Variants in ZFAT observed in about 807,000 individuals in gnomAD.
ZFAT encodes the protein zinc finger and AT-hook domain containing.
A neutral mutation model predicts 117.7 loss-of-function variants in ZFAT; 64 were observed. The ratio of observed to expected loss-of-function variants is 0.54; its 90% confidence interval spans 0.44 to 0.67. The LOEUF is 0.67. Among genes scored for constraint, ZFAT ranks in the 30% least tolerant of loss-of-function variants. The probability of loss-of-function intolerance (pLI) is 0.00; values close to 1 mark genes in which losing one functional copy is unlikely to be tolerated. For synonymous variants in ZFAT, 679 were observed against 615.0 expected, an observed-to-expected ratio of 1.10 and a Z score of -1.54; for missense variants, 1,433 against 1,584.5, an observed-to-expected ratio of 0.90 and a Z score of 1.62.
intron 15 of ZFAT, among the ~76,000 whole-genome samples, chr8:134,499,675 G>T (rs542318144): frequency 2.0e-5 from 3 of 152,362 alleles, no homozygotes; most frequent in South Asian, 2.1e-4. Context: ...GATTTGGGAG[G>T]GGTGCGGTGG....
intron 12 of ZFAT, among the ~76,000 whole-genome samples, chr8:134,525,555 G>A (rs767921913): frequency 6.6e-6 from 1 of 152,202 alleles, no homozygotes; most frequent in Non-Finnish European, 1.5e-5. Context: ...CAGTTTTGAT[G>A]CGCTCAATCT....
chr8:134,601,757 TA>T lies in ZFAT; in HGVS notation c.1961del (p.Leu654GlnfsTer35). 6.2e-7 allele frequency: 1 copy of T among 1,613,710 alleles called. No homozygotes were observed. The highest frequency in any genetic ancestry group is 8.5e-7 in the Non-Finnish European group (1 of 1,179,858). ...DQESHGAQSP[L>X]GEGQNMAVLS... Reference sequence around the variant, plus strand: ...GCACAGCCATGTTCTGCCCTTCCCCTAGGGGGCTCTGGGCGCCATGGCTTTC... The same window carrying T: ...GCACAGCCATGTTCTGCCCTTCCCCTGGGGGCTCTGGGCGCCATGGCTTTC... On this transcript the variant is annotated frameshift_variant, in exon 6 of 16. Coordinates refer to ENST00000377838, the MANE Select transcript of ZFAT (RefSeq NM_020863.4). LOFTEE classifies it high-confidence loss of function.
At chr8:134,531,001 C>G (rs1013990128) in intron 12 of ZFAT, among the ~76,000 whole-genome samples, 94 of 152,232 alleles carry the variant, frequency 6.2e-4, no homozygotes, top group African/African-American at 2.1e-3. Context: ...TGCCTAGGAA[C>G]AACTGTGAAT....
chr8:134,589,365 T>C (rs1436975816), intron 8 of ZFAT, among the ~76,000 whole-genome samples: 1 of 152,252 alleles, frequency 6.6e-6, no homozygotes, highest in Non-Finnish European at 1.5e-5. Context: ...CCTTCTATTA[T>C]TTCTTTATCT....
chr8:134,511,578 C>G (rs1586615376), intron 14 of ZFAT, among the ~76,000 whole-genome samples: 1 of 152,176 alleles, frequency 6.6e-6, no homozygotes, highest in Non-Finnish European at 1.5e-5. Context: ...AAAATGGTGT[C>G]TTTCTAACTC....
At chr8:134,709,246 AAG>A (rs1053975112) in intron 1 of ZFAT, among the ~76,000 whole-genome samples, 4 of 152,126 alleles carry the variant, frequency 2.6e-5, no homozygotes, top group Admixed American at 6.5e-5. Flanking sequence ...TGCTTTCAAG[AAG>A]AGAGTGGATG....
At chr8:134,664,149 T>A (rs146755618) in intron 1 of ZFAT, among the ~76,000 whole-genome samples, 6 of 151,428 alleles carry the variant, frequency 4.0e-5, no homozygotes, top group Non-Finnish European at 7.4e-5. Flanking sequence ...TCCACCCCTA[T>A]GAACACTCCC....
chr8:134,756,772 T>G, the ZFAT span, among the ~76,000 whole-genome samples: 1 of 152,214 alleles, frequency 6.6e-6, no homozygotes, highest in East Asian at 1.9e-4. Context: ...CAGAGCTCCC[T>G]GCAGGATCCG....
chr8:134,617,153 G>C (rs574814824), intron 3 of ZFAT, among the ~76,000 whole-genome samples: 1 of 152,268 alleles, frequency 6.6e-6, no homozygotes, highest in East Asian at 1.9e-4. Flanking sequence ...AGTCGTCAGA[G>C]GCAATCTTGA....
chr8:134,823,608 A>G, the ZFAT span, among the ~76,000 whole-genome samples: 1 of 152,228 alleles, frequency 6.6e-6, no homozygotes, highest in South Asian at 2.1e-4. Flanking sequence ...TTCAGGCAGG[A>G]TAGCTCCAGG....
At chr8:134,644,091 G>T (rs1026253153) in intron 2 of ZFAT, among the ~76,000 whole-genome samples, 1 of 152,142 alleles carries the variant, frequency 6.6e-6, no homozygotes, top group African/African-American at 2.4e-5. Flanking sequence ...ACTTAACCGC[G>T]CAGAGGCACT....
chr8:134,496,140 G>T (rs1358276538), intron 15 of ZFAT, among the ~76,000 whole-genome samples: 1 of 152,206 alleles, frequency 6.6e-6, no homozygotes, highest in Non-Finnish European at 1.5e-5. Flanking sequence ...TCAGCCACGT[G>T]CCAGGCACAG....
intron 11 of ZFAT, among the ~76,000 whole-genome samples, chr8:134,539,699 C>G (rs904876548): frequency 1.3e-5 from 2 of 152,168 alleles, no homozygotes; most frequent in East Asian, 1.9e-4. Context: ...ATGAAGTGGA[C>G]TAGTTGGTAC....
chr8:134,605,660 T>C (rs1827833221), intron 5 of ZFAT, among the ~76,000 whole-genome samples: 1 of 152,106 alleles, frequency 6.6e-6, no homozygotes, highest in Admixed American at 6.5e-5. Context: ...AATACAAAAT[T>C]CAGATGATGG....
chr8:134,542,617 T>C (rs558874006), intron 11 of ZFAT, among the ~76,000 whole-genome samples: 2 of 152,360 alleles, frequency 1.3e-5, no homozygotes, highest in Admixed American at 6.5e-5. Flanking sequence ...TGTTGCTGCA[T>C]AGGATATGAT....
chr8:134,709,195 G>C (rs576145371), intron 1 of ZFAT, among the ~76,000 whole-genome samples: 1 of 152,166 alleles, frequency 6.6e-6, no homozygotes. Flanking sequence ...GATGTGGGAG[G>C]GTGGCCTGAG....
intron 1 of ZFAT, among the ~76,000 whole-genome samples, chr8:134,692,345 A>T (rs1490702454): frequency 6.6e-6 from 1 of 152,210 alleles, no homozygotes; most frequent in Non-Finnish European, 1.5e-5. Context: ...CAGAACCAAG[A>T]CAAAGCACTG....
At chr8:134,628,624 C>T (rs975372901) in intron 3 of ZFAT, among the ~76,000 whole-genome samples, 1 of 152,232 alleles carries the variant, frequency 6.6e-6, no homozygotes, top group East Asian at 1.9e-4. Flanking sequence ...TTTCTTAACT[C>T]ATCCTTTTGA....
chr8:134,628,207 C>T (rs756262607), intron 3 of ZFAT, among the ~76,000 whole-genome samples: 2 of 152,092 alleles, frequency 1.3e-5, no homozygotes, highest in Non-Finnish European at 2.9e-5. Flanking sequence ...CTGCATATGC[C>T]AGGATCATTG....
Sources: gnomAD v4.1 joint callset for allele counts (sites outside exome capture counted in the v4.1 genomes callset) on GRCh38, gnomAD v4.1.1 for gene constraint, MANE v1.5 for transcripts, NCBI Gene and HGNC (gene_info 2026-07-23, HGNC 2026-07-21) for gene names.